FUT9: variants seen among roughly 807,000 people sequenced by gnomAD.
The protein encoded by FUT9 is fucosyltransferase 9.
FUT9 carries 15 observed loss-of-function variants against 29.7 expected under a neutral mutation model. The observed-to-expected ratio is 0.51, with a 90% CI of 0.34 to 0.78. The LOEUF (loss-of-function observed/expected upper bound fraction) is 0.78, where lower values mean the gene tolerates loss of function less well. Among genes scored for constraint, FUT9 ranks in the 30% least tolerant of loss-of-function variants. The probability of loss-of-function intolerance (pLI) is 0.01; values close to 1 mark genes in which losing one functional copy is unlikely to be tolerated. For missense variants in FUT9, 319 were observed against 425.4 expected (o/e 0.75, Z 2.20); for synonymous variants, 169 against 153.7 (o/e 1.10, Z -0.74).
intron 2 of FUT9, among the ~76,000 whole-genome samples, chr6:96,144,397 A>G (rs1772526187): frequency 6.6e-6 from 1 of 152,210 alleles, no homozygotes; most frequent in Non-Finnish European, 1.5e-5. Flanking sequence ...GATTGAAACA[A>G]CTGGAAAAAC....
chr6:96,025,489 A>C (rs1423443601), intron 1 of FUT9, among the ~76,000 whole-genome samples: 1 of 151,764 alleles, frequency 6.6e-6, no homozygotes, highest in Non-Finnish European at 1.5e-5. Context: ...AAATTTTTCA[A>C]CATTCTTGGA....
intron 1 of FUT9, among the ~76,000 whole-genome samples, chr6:96,081,812 A>G (rs755344303): frequency 2.6e-5 from 4 of 151,902 alleles, no homozygotes; most frequent in Admixed American, 6.6e-5. Context: ...CACTTTCTCC[A>G]TTCCCTCACC....
intron 1 of FUT9, among the ~76,000 whole-genome samples, chr6:96,028,856 AG>A (rs894730851): frequency 3.3e-5 from 5 of 151,744 alleles, no homozygotes; most frequent in African/African-American, 1.2e-4. Context: ...TTAGAAAAGA[AG>A]TTATCTATTT....
rs1773807825 is a variant in FUT9 at position 96,205,300 on chromosome 6, G to A, written c.*1065G>A. The A allele has an allele frequency of 6.0e-6, 1 of 166,798 alleles. No homozygotes were observed. Among genetic ancestry groups the A allele is most frequent in the Admixed American group, 6.6e-5 (1 of 15,236 alleles). 10.3% of individuals were successfully genotyped at this position (166,798 alleles called of 1,614,324 possible). A position where few individuals can be genotyped will look rare whatever the true frequency, so the allele number is the denominator to read the frequency against. ...ATAAGACGTTAAATATAATAAAGTG[G>A]GGATATATAGAAAACACACAGTGTT... is the stretch of plus-strand genomic sequence containing the variant. On this transcript the variant is annotated 3_prime_UTR_variant, in exon 3 of 3. Transcript: ENST00000302103.
chr6:96,056,430 TATTA>T (rs951516088), intron 1 of FUT9, among the ~76,000 whole-genome samples: 2 of 152,244 alleles, frequency 1.3e-5, no homozygotes, highest in African/African-American at 4.8e-5. Flanking sequence ...AGTTTTCTTT[TATTA>T]ATTGTTTATG....
At chr6:96,179,329 A>G (rs1483353271) in intron 2 of FUT9, among the ~76,000 whole-genome samples, 1 of 152,126 alleles carries the variant, frequency 6.6e-6, no homozygotes, top group Non-Finnish European at 1.5e-5. Flanking sequence ...GAAAGTCAAA[A>G]CAAATTTGGT....
intron 1 of FUT9, among the ~76,000 whole-genome samples, chr6:96,066,697 T>G (rs955463689): frequency 4.7e-5 from 7 of 150,126 alleles, no homozygotes; most frequent in African/African-American, 1.7e-4. Flanking sequence ...AGTAAGCTGA[T>G]AGAGTACATA....
At chr6:96,028,446 T>G (rs1346619607) in intron 1 of FUT9, among the ~76,000 whole-genome samples, 1 of 151,594 alleles carries the variant, frequency 6.6e-6, no homozygotes, top group Non-Finnish European at 1.5e-5. Flanking sequence ...ATATCAACTA[T>G]TTAGCTGAGA....
chr6:96,072,038 C>G (rs1049019303), intron 1 of FUT9, among the ~76,000 whole-genome samples: 2 of 152,116 alleles, frequency 1.3e-5, no homozygotes, highest in African/African-American at 4.8e-5. Flanking sequence ...TCATGAAATA[C>G]ATTCTATAGG....
chr6:96,198,103 C>CT (rs1234754728), intron 2 of FUT9, among the ~76,000 whole-genome samples: 12 of 150,372 alleles, frequency 8.0e-5, no homozygotes, highest in Admixed American at 2.7e-4. Flanking sequence ...GTAGAGTGTT[C>CT]TTTTTTTTTC....
At chr6:96,173,774 A>AT (rs1176361298) in intron 2 of FUT9, among the ~76,000 whole-genome samples, 2 of 24,194 alleles carry the variant, frequency 8.3e-5, no homozygotes, top group Non-Finnish European at 7.7e-4. Flanking sequence ...AAATCACACA[A>AT]ATTTTTTTTC....
chr6:96,196,412 A>G (rs1773625327), intron 2 of FUT9, among the ~76,000 whole-genome samples: 1 of 152,074 alleles, frequency 6.6e-6, no homozygotes, highest in Non-Finnish European at 1.5e-5. Flanking sequence ...GATCTGACCT[A>G]ATAATAATAA....
intron 2 of FUT9, among the ~76,000 whole-genome samples, chr6:96,197,122 C>A (rs560620340): frequency 6.6e-6 from 1 of 152,034 alleles, no homozygotes; most frequent in African/African-American, 2.4e-5. Context: ...AGCTCTCTTG[C>A]CAGTAGAAAC....
intron 1 of FUT9, among the ~76,000 whole-genome samples, chr6:96,111,519 A>C (rs991003604): frequency 6.7e-6 from 1 of 150,196 alleles, no homozygotes; most frequent in Non-Finnish European, 1.5e-5. Flanking sequence ...TGAGCCATTA[A>C]ATTATAACCA....
intron 2 of FUT9, among the ~76,000 whole-genome samples, chr6:96,115,188 T>A (rs978846706): frequency 2.0e-5 from 3 of 152,230 alleles, no homozygotes; most frequent in African/African-American, 7.2e-5. Context: ...GCATATGTTA[T>A]TTAAATTTTT....
At position 96,214,518 on chromosome 6, in the gene FUT9, A is replaced by C. The variant is rs1046333150; in HGVS notation, c.*10283A>C. 6.0e-5 allele frequency: 10 copies of C among 166,938 alleles called. No individual in the cohort carries two copies. Among genetic ancestry groups the C allele is most frequent in the African/African-American group, 2.2e-4 (9 of 41,444 alleles). 10.3% of individuals were successfully genotyped at this position (166,938 alleles called of 1,614,324 possible). A position where few individuals can be genotyped will look rare whatever the true frequency, so the allele number is the denominator to read the frequency against. On this transcript the variant is annotated 3_prime_UTR_variant, in exon 3 of 3. Transcript: ENST00000302103. ...GAATGTTGGCTGCAGAGGAGCCTTT[A>C]CATGCAGATAATTTGAAGCAGTCTT...
rs1221808949 is a variant in FUT9, at chr6:96,208,629, A to G, written c.*4394A>G. 1 of 166,810 alleles carries G rather than the reference A, an allele frequency of 6.0e-6. No homozygotes were observed. The highest frequency in any genetic ancestry group is 1.5e-5 in the Non-Finnish European group (1 of 68,014). The allele number at this position is 166,810 out of a possible 1,614,324, so 10.3% of individuals were successfully genotyped here. On this transcript the variant is annotated 3_prime_UTR_variant, in exon 3 of 3. Transcript: ENST00000302103. ...TGTCACCTGGATGCAAAAGGAAGGC[A>G]TTTTAATTCCTTTCTATCTTACAAC...
intron 1 of FUT9, among the ~76,000 whole-genome samples, chr6:96,069,608 ATTATTTTT>A (rs1193931032): frequency 6.0e-5 from 7 of 116,040 alleles, no homozygotes; most frequent in South Asian, 3.2e-4. Context: ...AGAACAAACT[ATTATTTTT>A]TTATTTTTTT....
chr6:96,069,475 A>G (rs1045956726), intron 1 of FUT9, among the ~76,000 whole-genome samples: 5 of 152,210 alleles, frequency 3.3e-5, no homozygotes, highest in African/African-American at 9.6e-5. Context: ...AATATAGTTA[A>G]TTTAATTTTA....
Sources: gnomAD v4.1 joint callset for allele counts (sites outside exome capture counted in the v4.1 genomes callset) on GRCh38, gnomAD v4.1.1 for gene constraint, MANE v1.5 for transcripts, NCBI Gene and HGNC (gene_info 2026-07-23, HGNC 2026-07-21) for gene names.